ZNF385D: variants seen among roughly 807,000 people sequenced by gnomAD.
ZNF385D encodes the protein zinc finger protein 385D.
Under a neutral mutation model 35.8 loss-of-function variants are expected in ZNF385D, and 15 were observed. The observed-to-expected ratio is 0.42, with a 90% CI of 0.28 to 0.64. The LOEUF is 0.64. Ranked by LOEUF, ZNF385D falls within the 30% of genes least tolerant of loss-of-function variation. ZNF385D has a pLI of 0.23. For synonymous variants in ZNF385D, 212 were observed against 186.8 expected, an observed-to-expected ratio of 1.13 and a Z score of -1.10; for missense variants, 474 against 494.6, an observed-to-expected ratio of 0.96 and a Z score of 0.39.
intron 2 of ZNF385D, among the ~76,000 whole-genome samples, chr3:22,237,806 G>T (rs530163546): frequency 1.1e-4 from 16 of 151,960 alleles, no homozygotes. Flanking sequence ...ACCATGCCTG[G>T]CTAATTTTTG....
intron 1 of ZNF385D, among the ~76,000 whole-genome samples, chr3:21,748,690 G>A (rs1386673841): frequency 3.3e-5 from 5 of 152,152 alleles, no homozygotes; most frequent in African/African-American, 1.2e-4. Flanking sequence ...GAAAGTAATG[G>A]CCAACCAATT....
intron 2 of ZNF385D, among the ~76,000 whole-genome samples, chr3:22,186,494 A>C (rs894995527): frequency 1.3e-5 from 2 of 152,192 alleles, no homozygotes; most frequent in Non-Finnish European, 2.9e-5. Context: ...GTCGTCAGAG[A>C]CATTGCAGGC....
chr3:21,995,698 G>T (rs1003709987), intron 3 of ZNF385D, among the ~76,000 whole-genome samples: 3 of 151,838 alleles, frequency 2.0e-5, no homozygotes, highest in Non-Finnish European at 4.4e-5. Context: ...TACAGTGGTA[G>T]GCAGGAGTGG....
At chr3:22,034,773 T>C (rs1284791289) in intron 3 of ZNF385D, among the ~76,000 whole-genome samples, 2 of 152,128 alleles carry the variant, frequency 1.3e-5, no homozygotes, top group Non-Finnish European at 2.9e-5. Context: ...TAAGTATCAT[T>C]AGGCATGGTA....
chr3:22,212,255 A>G (rs1238478871), intron 2 of ZNF385D, among the ~76,000 whole-genome samples: 1 of 152,042 alleles, frequency 6.6e-6, no homozygotes, highest in Non-Finnish European at 1.5e-5. Flanking sequence ...TCCTTATCAC[A>G]GCACAGTTTC....
chr3:21,825,615 G>A (rs974821933), intron 3 of ZNF385D, among the ~76,000 whole-genome samples: 1 of 152,178 alleles, frequency 6.6e-6, no homozygotes, highest in Non-Finnish European at 1.5e-5. Context: ...TGGTCACAAA[G>A]TGACTTCAAT....
chr3:21,896,575 C>T (rs1469488908), intron 3 of ZNF385D, among the ~76,000 whole-genome samples: 1 of 152,040 alleles, frequency 6.6e-6, no homozygotes, highest in Non-Finnish European at 1.5e-5. Context: ...GCACGTCCCT[C>T]GAACCAACAG....
At chr3:22,309,186 T>C (rs1425591433) in intron 2 of ZNF385D, among the ~76,000 whole-genome samples, 2 of 152,022 alleles carry the variant, frequency 1.3e-5, no homozygotes, top group African/African-American at 4.8e-5. Context: ...AAAAGTAAAC[T>C]AAAATGTGAA....
chr3:21,885,152 T>A (rs183438970), intron 3 of ZNF385D, among the ~76,000 whole-genome samples: 69 of 152,166 alleles, frequency 4.5e-4, no homozygotes, highest in African/African-American at 1.6e-3. Flanking sequence ...GCATATCATA[T>A]ATGCAGCTGT....
At chr3:21,781,797 C>A (rs1366270703) in intron 3 of ZNF385D, among the ~76,000 whole-genome samples, 2 of 151,542 alleles carry the variant, frequency 1.3e-5, no homozygotes, top group African/African-American at 4.9e-5. Flanking sequence ...AAGAAAAATT[C>A]TTACAAGTAG....
chr3:21,801,193 A>C (rs565839833), intron 3 of ZNF385D, among the ~76,000 whole-genome samples: 9 of 152,240 alleles, frequency 5.9e-5, no homozygotes, highest in South Asian at 2.1e-4. Flanking sequence ...CCTGATTATA[A>C]TCCTCTAAAT....
chr3:22,104,305 C>T (rs547637193), intron 3 of ZNF385D, among the ~76,000 whole-genome samples: 14 of 152,118 alleles, frequency 9.2e-5, no homozygotes, highest in African/African-American at 3.4e-4. Flanking sequence ...CTGAGTGTGT[C>T]TCCTGCTACC....
chr3:21,850,437 G>C (rs191382918), intron 3 of ZNF385D, among the ~76,000 whole-genome samples: 137 of 152,154 alleles, frequency 9.0e-4, no homozygotes, highest in African/African-American at 3.1e-3. Context: ...TTGAGCTGTA[G>C]ACACAAAAAT....
intron 3 of ZNF385D, among the ~76,000 whole-genome samples, chr3:22,076,917 G>C (rs1461314456): frequency 1.3e-5 from 2 of 151,744 alleles, no homozygotes; most frequent in Non-Finnish European, 2.9e-5. Context: ...CAATGAACAT[G>C]TGAAAAAAAC....
chr3:22,103,456 A>C (rs1029021244), intron 3 of ZNF385D, among the ~76,000 whole-genome samples: 3 of 152,146 alleles, frequency 2.0e-5, no homozygotes, highest in African/African-American at 7.2e-5. Context: ...CCTAGAGATG[A>C]TACTATTTTA....
intron 2 of ZNF385D, among the ~76,000 whole-genome samples, chr3:22,306,840 A>G (rs1169317630): frequency 1.3e-5 from 2 of 152,136 alleles, no homozygotes; most frequent in Non-Finnish European, 2.9e-5. Flanking sequence ...AATGAGATAA[A>G]TGTTAGATAT....
intron 3 of ZNF385D, among the ~76,000 whole-genome samples, chr3:22,063,817 C>A (rs1001293093): frequency 6.6e-6 from 1 of 152,182 alleles, no homozygotes; most frequent in Non-Finnish European, 1.5e-5. Flanking sequence ...AGATTCCTTG[C>A]TCCAACTAAG....
chr3:22,125,800 C>G (rs1035525560), intron 3 of ZNF385D, among the ~76,000 whole-genome samples: 15 of 151,968 alleles, frequency 9.9e-5, no homozygotes, highest in African/African-American at 3.6e-4. Context: ...TTTATCAATT[C>G]TCATCATTTT....
chr3:22,261,718 G>T (rs546024277), intron 2 of ZNF385D, among the ~76,000 whole-genome samples: 2 of 151,884 alleles, frequency 1.3e-5, no homozygotes, highest in Non-Finnish European at 2.9e-5. Flanking sequence ...CTGCCCTGCC[G>T]TTTTGCCTCC....
Sources: gnomAD v4.1 joint callset for allele counts (sites outside exome capture counted in the v4.1 genomes callset) on GRCh38, gnomAD v4.1.1 for gene constraint, MANE v1.5 for transcripts, NCBI Gene and HGNC (gene_info 2026-07-23, HGNC 2026-07-21) for gene names.